The following DDX4 variants were observed in gnomAD, a reference collection of about 807,000 sequenced individuals.
DDX4 encodes DEAD-box helicase 4, also known as probable ATP-dependent RNA helicase DDX4.
In DDX4, 25 loss-of-function variants were observed where a neutral mutation model predicts 100.0. That is an observed-to-expected ratio of 0.25 (90% CI 0.18 to 0.35). DDX4 has a LOEUF of 0.35. Ranked by LOEUF, DDX4 falls within the 10% of genes least tolerant of loss-of-function variation. The pLI is 1.00. For synonymous variants in DDX4, 259 were observed against 275.7 expected, an observed-to-expected ratio of 0.94 and a Z score of 0.60; for missense variants, 635 against 882.4, an observed-to-expected ratio of 0.72 and a Z score of 3.55.
chr5:55,743,697 T>C (rs1168935309), intron 2 of DDX4, among the ~76,000 whole-genome samples: 3 of 152,234 alleles, frequency 2.0e-5, no homozygotes, highest in Admixed American at 2.0e-4. Context: ...CCCAAAGTTC[T>C]GGAATTACAG....
At chr5:55,791,514 G>T (rs1009742621) in intron 16 of DDX4, among the ~76,000 whole-genome samples, 18 of 152,132 alleles carry the variant, frequency 1.2e-4, no homozygotes, top group African/African-American at 3.9e-4. Context: ...AAAGGTAAGA[G>T]GTTCCTGATT....
chr5:55,785,387 G>T, intron 11 of DDX4, 43 bp downstream of exon 11: 2 of 1,585,090 alleles, frequency 1.3e-6, no homozygotes, highest in African/African-American at 1.3e-5. Flanking sequence ...TATAGTGAGA[G>T]TTCTTTTACC....
At chr5:55,759,924 G>T (rs1231472466) in intron 3 of DDX4, among the ~76,000 whole-genome samples, 8 of 152,182 alleles carry the variant, frequency 5.3e-5, no homozygotes, top group Admixed American at 4.6e-4. Context: ...TTCTTTCAGG[G>T]AATAGAAGGG....
At chr5:55,798,342 G>T (rs1028663646) in intron 17 of DDX4, 84 bp from the exon 18 acceptor site, 1 of 1,398,712 alleles carries the variant, frequency 7.1e-7, no homozygotes, top group Non-Finnish European at 9.7e-7. Context: ...TTAATATTGA[G>T]ATAACACCTA....
At chr5:55,758,957 T>C (rs1276340981) in intron 3 of DDX4, among the ~76,000 whole-genome samples, 19 of 140,968 alleles carry the variant, frequency 1.3e-4, no homozygotes, top group Admixed American at 3.5e-4. Flanking sequence ...GGTTTAATAA[T>C]AACTCACTGC....
At chr5:55,808,939 C>T (rs1035422941) in intron 18 of DDX4, among the ~76,000 whole-genome samples, 1 of 152,226 alleles carries the variant, frequency 6.6e-6, no homozygotes, top group African/African-American at 2.4e-5. Context: ...GCAGGCAGGC[C>T]TCCCTGAGAT....
rs867915243 is a variant in DDX4 at position 55,790,685 on chromosome 5, G to A, written c.1282G>A (p.Asp428Asn). 1.9e-6 allele frequency: 3 copies of A among 1,611,934 alleles called. No individual in the cohort carries two copies. The highest frequency in any genetic ancestry group is 2.5e-6 in the Non-Finnish European group (3 of 1,178,422). ...ATGTGCTACTCCTGGAAGACTGATG[G>A]ATATCATAGGCAAAGAAAAGGTACG... ...ILCATPGRLMDIIGKEKIGLK... is the reference protein window; with the variant it reads ...ILCATPGRLMNIIGKEKIGLK... Residue 428 changes from aspartate (D) to asparagine (N), a missense_variant, in exon 16 of 22, where the codon GAT (aspartate) becomes AAT (asparagine). Asp to Asn is a conservative substitution (Grantham distance 23). Coordinates refer to ENST00000505374, the MANE Select transcript of DDX4 (RefSeq NM_024415.3).
intron 15 of DDX4, among the ~76,000 whole-genome samples, chr5:55,789,667 A>C (rs1175695638): frequency 6.6e-6 from 1 of 152,192 alleles, no homozygotes; most frequent in Non-Finnish European, 1.5e-5. Context: ...CAAAATTGAA[A>C]GTGCAGGGTC....
rs977155124 is a variant in DDX4 at position 55,815,322 on chromosome 5, G to A, written c.1996G>A (p.Asp666Asn). The change falls in exon 21 of 22, where the codon GAT (aspartate) becomes AAT (asparagine). Residue 666 changes from aspartate (D) to asparagine (N), a missense_variant. Asp to Asn is a conservative substitution (Grantham distance 23). Coordinates refer to ENST00000505374, the MANE Select transcript of DDX4 (RefSeq NM_024415.3). ...TCAATTTTTTTTAAAGGCTCAACAG[G>A]ATGTTCCTGCATGGTTGGAAGAAAT... ...LVKVLTDAQQ[D>N]VPAWLEEIAF... 3.1e-6 allele frequency: 5 copies of A among 1,610,682 alleles called. No individual in the cohort carries two copies. In the African/African-American group the frequency reaches 6.7e-5, roughly 22 times the overall value.
In DDX4 at chr5:55,763,054, T is replaced by C; in HGVS notation, c.206-121T>C. 4.8e-6 allele frequency: 3 copies of C among 629,846 alleles called. No homozygotes were observed. In the South Asian group the frequency reaches 6.6e-5, roughly 14 times the overall value. The allele number at this position is 629,846 out of a possible 1,614,324, so 39.0% of individuals were successfully genotyped here. On this transcript the variant is annotated intron_variant, in intron 4 of 21. Transcript: ENST00000505374. ...TATATTAATTAATTTTAGGTTTCTG[T>C]GCTACTCTTTTCCCATCCTTGGAAG...
intron 18 of DDX4, among the ~76,000 whole-genome samples, chr5:55,800,324 G>T (rs935951530): frequency 1.2e-4 from 17 of 137,434 alleles, no homozygotes; most frequent in African/African-American, 4.3e-4. Flanking sequence ...GTCACCTTAA[G>T]TTTTTTTTTT....
At chr5:55,778,127 T>C (rs1741683493) in intron 7 of DDX4, among the ~76,000 whole-genome samples, 1 of 152,102 alleles carries the variant, frequency 6.6e-6, no homozygotes, top group Non-Finnish European at 1.5e-5. Context: ...ATATCATAGG[T>C]CATGTTCTCT....
Position 55,785,261 on chromosome 5 carries a change from T to G in DDX4, c.626-36T>G, listed in dbSNP as rs756376232. On this transcript the variant is annotated intron_variant, in intron 10 of 21. Transcript: ENST00000505374. ...AAATAAAGATGTGCACAGCCTTACA[T>G]CTTGACCGATTGTCACTTATGAATT... is the stretch of plus-strand genomic sequence containing the variant. 1.2e-5 allele frequency: 17 copies of G among 1,466,094 alleles called. No homozygotes were observed. In the East Asian group the frequency reaches 3.9e-4, roughly 33 times the overall value. 90.8% of individuals were successfully genotyped at this position (1,466,094 alleles called of 1,614,324 possible).
chr5:55,755,938 A>G (rs1759901990), intron 3 of DDX4, among the ~76,000 whole-genome samples: 1 of 152,118 alleles, frequency 6.6e-6, no homozygotes, highest in African/African-American at 2.4e-5. Flanking sequence ...TATTATCCTG[A>G]TTTCTAACAG....
At position 55,815,376 on chromosome 5, in the gene DDX4, AGTG is replaced by A. The variant is rs1196040856; in HGVS notation, c.2053_2055del (p.Gly685del). 2 of 1,613,856 alleles carry A rather than the reference AGTG, an allele frequency of 1.2e-6. No homozygotes were observed. Among genetic ancestry groups the A allele is most frequent in the Admixed American group, 3.3e-5 (2 of 59,972 alleles). ...CTTTAGTACATACATTCCTGGCTTC[AGTG>A]GTAGTACAAGAGGAAACGTGTTTGC... On this transcript the variant is annotated inframe_deletion, in exon 21 of 22. Transcript: ENST00000505374.
intron 3 of DDX4, 68 bp from the exon 4 acceptor site, chr5:55,760,132 G>A (rs1019859219): frequency 2.7e-5 from 40 of 1,506,322 alleles, no homozygotes; most frequent in Non-Finnish European, 3.4e-5. Context: ...TGGCACAGAA[G>A]GCTTAAGGTT....
chr5:55,816,753 G>A lies in DDX4; in HGVS notation c.*213G>A. On this transcript the variant is annotated 3_prime_UTR_variant, in exon 22 of 22. Coordinates refer to ENST00000505374, the MANE Select transcript of DDX4 (RefSeq NM_024415.3). ...TTACTGATACAAATGGTGTTAACTGGGAATATTAAAGCATTCTAAATGTCT... is the reference window on the plus strand; with the variant it reads ...TTACTGATACAAATGGTGTTAACTGAGAATATTAAAGCATTCTAAATGTCT... The A allele has an allele frequency of 1.3e-6, 1 of 742,986 alleles. No individual in the cohort carries two copies. Among genetic ancestry groups the A allele is most frequent in the Non-Finnish European group, 2.0e-6 (1 of 507,974 alleles). 46.0% of individuals were successfully genotyped at this position (742,986 alleles called of 1,614,324 possible).
intron 7 of DDX4, among the ~76,000 whole-genome samples, chr5:55,774,159 T>G (rs578014047): frequency 4.6e-5 from 7 of 152,018 alleles, no homozygotes; most frequent in South Asian, 4.2e-4. Context: ...TTTTTTTTTT[T>G]TTGTTTTTGA....
At chr5:55,779,822 G>A (rs1741797981) in intron 7 of DDX4, 142 bp from the exon 8 acceptor site, 2 of 1,335,674 alleles carry the variant, frequency 1.5e-6, no homozygotes, top group Non-Finnish European at 9.7e-7. Context: ...AGGTCAAAAT[G>A]TCATTTCTTT....
Sources: allele counts gnomAD v4.1 joint callset (sites outside exome capture counted in the v4.1 genomes callset), GRCh38; gene constraint gnomAD v4.1.1; transcripts MANE v1.5; gene names NCBI Gene and HGNC (gene_info 2026-07-23, HGNC 2026-07-21).